Variants in RTF1 observed in about 807,000 individuals in gnomAD.
RTF1 encodes RTF1 homolog, Paf1/RNA polymerase II complex component.
RTF1 carries 10 observed loss-of-function variants against 95.7 expected under a neutral mutation model. The observed-to-expected ratio is 0.10, with a 90% CI of 0.06 to 0.18. The LOEUF is 0.18. RTF1 is among the 10% of genes least tolerant of loss of function. The pLI, the probability that RTF1 is intolerant of heterozygous loss-of-function variation, is 1.00. For synonymous variants in RTF1, 305 were observed against 311.8 expected (o/e 0.98, Z 0.23); for missense variants, 458 against 875.6 (o/e 0.52, Z 6.02).
chr15:41,431,149 C>T (rs991518752), intron 1 of RTF1, among the ~76,000 whole-genome samples: 3 of 151,156 alleles, frequency 2.0e-5, no homozygotes, highest in Non-Finnish European at 4.4e-5. Context: ...CGTGATCTGC[C>T]CACCTTGGCC....
At chr15:41,439,970 A>AT (rs1022705444) in intron 2 of RTF1, among the ~76,000 whole-genome samples, 4 of 151,754 alleles carry the variant, frequency 2.6e-5, no homozygotes, top group African/African-American at 4.8e-5. Flanking sequence ...GATTTAAAGT[A>AT]TTTTCTTCCC....
chr15:41,464,167 A>G lies in RTF1; in HGVS notation c.663-604A>G, dbSNP rs61366688. 3.1e-3 allele frequency among the ~76,000 whole-genome samples: 456 copies of G among 145,358 alleles called. 1 individual carries two copies. The highest frequency in any genetic ancestry group is 0.011 in the African/African-American group (433 of 39,010). ...ACCGGGCCTGTTTGTTTGTTTGTTTATTTTTTGAGATGGAATCTCACTCTG... is the reference window on the plus strand; with the variant it reads ...ACCGGGCCTGTTTGTTTGTTTGTTTGTTTTTTGAGATGGAATCTCACTCTG... On this transcript the variant is annotated intron_variant, in intron 4 of 17. Coordinates refer to ENST00000389629, the MANE Select transcript of RTF1 (RefSeq NM_015138.5).
intron 2 of RTF1, among the ~76,000 whole-genome samples, chr15:41,452,465 G>A (rs775713613): frequency 8.6e-5 from 13 of 151,948 alleles, no homozygotes; most frequent in Non-Finnish European, 1.5e-4. Flanking sequence ...CAGGTGCAGT[G>A]GCTCATGTCT....
chr15:41,467,725 C>A (rs910502783), intron 6 of RTF1, among the ~76,000 whole-genome samples: 4 of 149,870 alleles, frequency 2.7e-5, no homozygotes, highest in African/African-American at 7.4e-5. Context: ...AAAAAAAAAA[C>A]AACAAAAGAT....
At chr15:41,456,705 G>C (rs1302465474) in intron 3 of RTF1, among the ~76,000 whole-genome samples, 1 of 152,084 alleles carries the variant, frequency 6.6e-6, no homozygotes, top group Middle Eastern at 3.4e-3. Flanking sequence ...CAGGAGAACT[G>C]TTTGAACCGG....
intron 2 of RTF1, among the ~76,000 whole-genome samples, chr15:41,448,343 C>T (rs1360461599): frequency 6.6e-6 from 1 of 151,848 alleles, no homozygotes; most frequent in Non-Finnish European, 1.5e-5. Flanking sequence ...GGTGGCTATA[C>T]AGGTGATTAA....
chr15:41,439,105 C>T (rs2050719852), intron 2 of RTF1, among the ~76,000 whole-genome samples: 1 of 150,042 alleles, frequency 6.7e-6, no homozygotes, highest in Admixed American at 6.7e-5. Context: ...GATCTTGGCT[C>T]ACTGCAACTT....
intron 12 of RTF1, 132 bp from the exon 13 acceptor site, chr15:41,477,033 G>A: frequency 9.0e-7 from 1 of 1,115,416 alleles, no homozygotes. Context: ...TACTTCTACA[G>A]TATTCTTCCA....
rs146749185 is a variant in RTF1, at chr15:41,449,799, T to C, written c.310-3102T>C. On this transcript the variant is annotated intron_variant, in intron 2 of 17. Coordinates refer to ENST00000389629, the MANE Select transcript of RTF1 (RefSeq NM_015138.5). ...TGGGCAACATAGTGAGACCTCATCA[T>C]AAAAACGAAAAGAAAACAAAAAGCA... 6.8e-3 allele frequency among the ~76,000 whole-genome samples: 1,042 copies of C among 152,162 alleles called. 13 individuals are homozygous for C. The highest frequency in any genetic ancestry group is 0.01 in the Non-Finnish European group (691 of 67,986).
At chr15:41,444,212 A>G (rs1216680393) in intron 2 of RTF1, among the ~76,000 whole-genome samples, 1 of 152,088 alleles carries the variant, frequency 6.6e-6, no homozygotes, top group Non-Finnish European at 1.5e-5. Flanking sequence ...TCAAGGGTGC[A>G]GTGAGCTGTA....
intron 1 of RTF1, among the ~76,000 whole-genome samples, chr15:41,423,435 C>T (rs1341052461): frequency 4.0e-5 from 6 of 150,396 alleles, no homozygotes; most frequent in East Asian, 2.0e-4. Context: ...AGCAATGGCA[C>T]GCTGGGCTCA....
At chr15:41,436,749 G>A (rs185764046) in intron 1 of RTF1, among the ~76,000 whole-genome samples, 17 of 151,054 alleles carry the variant, frequency 1.1e-4, no homozygotes, top group Admixed American at 6.6e-4. Flanking sequence ...AGCCGAGATC[G>A]TGCCACTGCA....
At position 41,418,600 on chromosome 15, in the gene RTF1, C is replaced by T. The variant is rs545241857; in HGVS notation, c.198+1287C>T. The stretch of plus-strand genomic sequence containing the variant: ...TGGGAGGCCAAGGCTCATCTGAGGT[C>T]GGGAGTTCGAGACCAGCCTGACCAA... On this transcript the variant is annotated intron_variant, in intron 1 of 17. Coordinates refer to ENST00000389629, the MANE Select transcript of RTF1 (RefSeq NM_015138.5). Among the ~76,000 whole-genome samples the T allele has an allele frequency of 4.3e-4, 65 of 151,916 alleles. 1 individual carries two copies. The highest frequency in any genetic ancestry group is 1.2e-3 in the Admixed American group (18 of 15,222).
chr15:41,460,863 ATTTTTTCTT>A (rs1333192714), intron 4 of RTF1, among the ~76,000 whole-genome samples: 6 of 142,602 alleles, frequency 4.2e-5, no homozygotes, highest in South Asian at 2.2e-4. Context: ...CCTGGCTAAT[ATTTTTTCTT>A]TTTTTTCTTT....
In RTF1 at chr15:41,437,528, C is replaced by A. The variant is rs143484242; in HGVS notation, c.199-793C>A. ...AAGAAAAAAGAAAAGTATCTGGCAT[C>A]TAGTGAGTACAGTATAATTGTGGAC... On this transcript the variant is annotated intron_variant, in intron 1 of 17. Transcript: ENST00000389629. Among the ~76,000 whole-genome samples the A allele has an allele frequency of 3.4e-3, 524 of 152,012 alleles. 4 individuals are homozygous for A. Among genetic ancestry groups the A allele is most frequent in the African/African-American group, 0.012 (504 of 41,512 alleles).
intron 2 of RTF1, among the ~76,000 whole-genome samples, chr15:41,450,545 A>G (rs1038976049): frequency 6.6e-6 from 1 of 151,580 alleles, no homozygotes; most frequent in Non-Finnish European, 1.5e-5. Flanking sequence ...AGATTGCACC[A>G]CTGCACTCCA....
intron 1 of RTF1, among the ~76,000 whole-genome samples, chr15:41,420,075 C>T (rs2050592577): frequency 6.6e-6 from 1 of 152,150 alleles, no homozygotes; most frequent in Non-Finnish European, 1.5e-5. Flanking sequence ...CCCACCTCGG[C>T]CTCCCAAAGT....
intron 6 of RTF1, among the ~76,000 whole-genome samples, chr15:41,466,800 C>G (rs185450429): frequency 6.6e-6 from 1 of 152,338 alleles, no homozygotes; most frequent in Non-Finnish European, 1.5e-5. Flanking sequence ...CCCTGCCTTG[C>G]AGCGTTATTT....
chr15:41,471,851 GATTT>G (rs1044318533), intron 8 of RTF1, among the ~76,000 whole-genome samples: 6 of 151,850 alleles, frequency 4.0e-5, no homozygotes, highest in Non-Finnish European at 8.8e-5. Flanking sequence ...AACACTTTGG[GATTT>G]ATTTATTTAT....
Sources: gnomAD v4.1 joint callset for allele counts (sites outside exome capture counted in the v4.1 genomes callset) on GRCh38, gnomAD v4.1.1 for gene constraint, MANE v1.5 for transcripts, NCBI Gene and HGNC (gene_info 2026-07-23, HGNC 2026-07-21) for gene names.